Variants in RHBDL2 observed in about 807,000 individuals in gnomAD.
RHBDL2 encodes rhomboid like 2.
In RHBDL2, 26 loss-of-function variants were observed where a neutral mutation model predicts 31.7. The observed-to-expected ratio is 0.82, with a 90% CI of 0.60 to 1.14. The LOEUF is 1.14. Among genes scored for constraint, RHBDL2 ranks in the 50% most tolerant of loss-of-function variants. The probability of loss-of-function intolerance (pLI) is 0.00; values close to 1 mark genes in which losing one functional copy is unlikely to be tolerated. For synonymous variants in RHBDL2, 123 were observed against 127.2 expected (o/e 0.97, Z 0.22); for missense variants, 336 against 364.4 (o/e 0.92, Z 0.63).
At chr1:38,935,036 C>T (rs1032604473) in intron 1 of RHBDL2, among the ~76,000 whole-genome samples, 2 of 151,800 alleles carry the variant, frequency 1.3e-5, no homozygotes, top group East Asian at 3.9e-4. Context: ...TTATTTTTTA[C>T]AAGTTAAAAT....
rs912401957 is a variant in RHBDL2, at chr1:38,886,308, A to G, written c.*196T>C. 2.7e-6 allele frequency: 1 copy of G among 373,390 alleles called. No individual in the cohort carries two copies. The highest frequency in any genetic ancestry group is 2.1e-5 in the African/African-American group (1 of 48,176). The allele number at this position is 373,390 out of a possible 1,614,324, so 23.1% of individuals were successfully genotyped here. ...TTCTCTCTTCTTCTTCCCTTTCTAC[A>G]TTAAGAAGCCCCTTCCTTAAATCCT... On this transcript the variant is annotated 3_prime_UTR_variant, in exon 8 of 8. Transcript: ENST00000372990.
At position 38,897,707 on chromosome 1, in the gene RHBDL2, C is replaced by G. The variant is rs185091731; in HGVS notation, c.509-1638G>C. 3.5e-3 allele frequency among the ~76,000 whole-genome samples: 528 copies of G among 152,102 alleles called. 1 individual carries two copies. Among genetic ancestry groups the G allele is most frequent in the Middle Eastern group, 6.8e-3 (2 of 294 alleles). ...TCCAGTCTGGGTGACAGAGGAAGACCTCTCCCCTCACCCCCACACACAAAA... is the reference window on the plus strand; with the variant it reads ...TCCAGTCTGGGTGACAGAGGAAGACGTCTCCCCTCACCCCCACACACAAAA... On this transcript the variant is annotated intron_variant, in intron 4 of 7. Transcript: ENST00000372990.
intron 1 of RHBDL2, among the ~76,000 whole-genome samples, chr1:38,937,837 G>A (rs910018698): frequency 6.6e-6 from 1 of 152,262 alleles, no homozygotes; most frequent in Non-Finnish European, 1.5e-5. Context: ...CCAGTCATCA[G>A]GAACAGGCCA....
chr1:38,897,249 C>G (rs1047489593), intron 4 of RHBDL2, among the ~76,000 whole-genome samples: 1 of 152,016 alleles, frequency 6.6e-6, no homozygotes, highest in Non-Finnish European at 1.5e-5. Flanking sequence ...TACAGGCGCC[C>G]GCCACCACGC....
chr1:38,931,095 T>C (rs986058945), intron 1 of RHBDL2, among the ~76,000 whole-genome samples: 3 of 152,174 alleles, frequency 2.0e-5, no homozygotes, highest in African/African-American at 7.2e-5. Flanking sequence ...GTGTTTGAGT[T>C]CACCCCGGAT....
At chr1:38,933,872 G>C (rs962273294) in intron 1 of RHBDL2, among the ~76,000 whole-genome samples, 3 of 151,966 alleles carry the variant, frequency 2.0e-5, no homozygotes, top group Non-Finnish European at 4.4e-5. Flanking sequence ...GGGATTACAA[G>C]TGCCCACCAC....
At chr1:38,911,766 A>G (rs1452917082) in intron 3 of RHBDL2, among the ~76,000 whole-genome samples, 1 of 151,822 alleles carries the variant, frequency 6.6e-6, no homozygotes, top group East Asian at 1.9e-4. Flanking sequence ...CAGCCTCCCA[A>G]GTAGCTGGGA....
chr1:38,898,135 A>C (rs1642943321), intron 4 of RHBDL2, among the ~76,000 whole-genome samples: 1 of 152,208 alleles, frequency 6.6e-6, no homozygotes, highest in African/African-American at 2.4e-5. Context: ...CTGTCTCAAA[A>C]AAATTGAAAA....
chr1:38,929,142 T>C (rs966761178), intron 1 of RHBDL2, among the ~76,000 whole-genome samples: 1 of 152,116 alleles, frequency 6.6e-6, no homozygotes, highest in Admixed American at 6.5e-5. Context: ...TTTTGGTTAT[T>C]TTCATCCCAT....
At position 38,919,279 on chromosome 1, in the gene RHBDL2, C is replaced by T. The variant is rs1264079162; in HGVS notation, c.-67G>A. The stretch of plus-strand genomic sequence containing the variant: ...AGGGAACAGCAGGTGGCCCTAGGTC[C>T]TCAGGCTGCCGCTCTTCCCTGGGCT... On this transcript the variant is annotated 5_prime_UTR_variant, in exon 2 of 8. Transcript: ENST00000372990. 6.2e-7 allele frequency: 1 copy of T among 1,612,050 alleles called. No homozygotes were observed. The highest frequency in any genetic ancestry group is 1.7e-5 in the Admixed American group (1 of 60,010).
chr1:38,897,850 G>T (rs7518432), intron 4 of RHBDL2, among the ~76,000 whole-genome samples: 1 of 152,076 alleles, frequency 6.6e-6, no homozygotes, highest in South Asian at 2.1e-4. Flanking sequence ...AGTCCAGTAG[G>T]CCGGGCACGG....
chr1:38,886,820 G>A (rs3790441), intron 7 of RHBDL2, 137 bp from the exon 8 acceptor site: 214,363 of 541,584 alleles, frequency 0.4, 45,584 homozygotes, highest in Non-Finnish European at 0.44. Context: ...CTAGGGGTAA[G>A]GCAAAAGAGA....
At chr1:38,936,791 T>C (rs1643516327) in intron 1 of RHBDL2, among the ~76,000 whole-genome samples, 2 of 151,386 alleles carry the variant, frequency 1.3e-5, no homozygotes, top group South Asian at 4.2e-4. Context: ...TGAGCCACCG[T>C]GCCCAGCAAT....
Position 38,915,564 on chromosome 1 carries a change from A to G in RHBDL2, c.393T>C (p.Ala131=). Residue 131 remains alanine (A), a splice_region_variant and synonymous_variant, in exon 3 of 8, where the codon GCT becomes GCC. Transcript: ENST00000372990. ...GGGGCTTAACTATCATTGCTTACCC[A>G]GCATGTACCAGCATGTATGAGATAA... ...WRFISYMLVH[A]GVQHILGNLC... 6.2e-7 allele frequency: 1 copy of G among 1,614,080 alleles called. No homozygotes were observed.
At chr1:38,887,176 G>GA (rs1200691040) in intron 7 of RHBDL2, among the ~76,000 whole-genome samples, 1 of 152,076 alleles carries the variant, frequency 6.6e-6, no homozygotes, top group East Asian at 1.9e-4. Flanking sequence ...TCAACTTATA[G>GA]AACTCAATCT....
At chr1:38,891,404 C>G (rs1642853402) in intron 6 of RHBDL2, among the ~76,000 whole-genome samples, 3 of 151,736 alleles carry the variant, frequency 2.0e-5, no homozygotes, top group Admixed American at 2.0e-4. Context: ...TGTGTTGTAA[C>G]TCTTCCCATT....
At chr1:38,912,896 ATATATATATATATATGTGTG>A (rs1194308541) in intron 3 of RHBDL2, among the ~76,000 whole-genome samples, 16 of 43,568 alleles carry the variant, frequency 3.7e-4, no homozygotes, top group Admixed American at 2.6e-3. Context: ...ATATATATAT[ATATATATATATATATGTGTG>A]TGTGTGTGTG....
At chr1:38,924,844 C>A (rs1643357181) in intron 1 of RHBDL2, among the ~76,000 whole-genome samples, 4 of 141,808 alleles carry the variant, frequency 2.8e-5, no homozygotes, top group African/African-American at 8.0e-5. Flanking sequence ...TGCAATGGTG[C>A]GATCTCGGCT....
chr1:38,903,882 A>AG (rs1324839317), intron 4 of RHBDL2, among the ~76,000 whole-genome samples: 3 of 152,248 alleles, frequency 2.0e-5, no homozygotes, highest in African/African-American at 7.2e-5. Flanking sequence ...TAAGTGGAAC[A>AG]GAATAGAACC....
Sources: gnomAD v4.1 joint callset for allele counts (sites outside exome capture counted in the v4.1 genomes callset) on GRCh38, gnomAD v4.1.1 for gene constraint, MANE v1.5 for transcripts, NCBI Gene and HGNC (gene_info 2026-07-23, HGNC 2026-07-21) for gene names.